The following DGKB variants were observed in gnomAD, a reference collection of about 807,000 sequenced individuals.
DGKB encodes the protein diacylglycerol kinase beta.
DGKB carries 67 observed loss-of-function variants against 114.3 expected under a neutral mutation model. The observed-to-expected ratio is 0.59, with a 90% CI of 0.48 to 0.72. DGKB has a LOEUF of 0.72. DGKB is among the 30% of genes least tolerant of loss of function. DGKB has a pLI of 0.00. For synonymous variants in DGKB, 398 were observed against 323.1 expected (o/e 1.23, Z -2.49); for missense variants, 907 against 975.2 (o/e 0.93, Z 0.93).
chr7:14,969,548 C>T (rs1787341952), intron 1 of DGKB, among the ~76,000 whole-genome samples: 1 of 152,094 alleles, frequency 6.6e-6, no homozygotes. Flanking sequence ...TGCCTGAGTT[C>T]CACCTTCTGT....
At chr7:14,394,155 A>G (rs1290521804) in intron 21 of DGKB, among the ~76,000 whole-genome samples, 1 of 152,148 alleles carries the variant, frequency 6.6e-6, no homozygotes, top group African/African-American at 2.4e-5. Context: ...TCAGCATATT[A>G]ACTTTTGCCT....
chr7:14,478,045 C>CAT (rs397806961), intron 21 of DGKB, 116 bp downstream of exon 21: 14 of 582,032 alleles, frequency 2.4e-5, no homozygotes, highest in Admixed American at 1.2e-4. Context: ...CACACACACA[C>CAT]GCACACAAAG....
At chr7:14,359,155 A>T (rs1042795247) in intron 21 of DGKB, among the ~76,000 whole-genome samples, 2 of 152,200 alleles carry the variant, frequency 1.3e-5, no homozygotes, top group Non-Finnish European at 2.9e-5. Context: ...GGCCTGAGAA[A>T]TAATGCCACA....
At chr7:14,283,011 A>C (rs1330097007) in intron 23 of DGKB, among the ~76,000 whole-genome samples, 3 of 151,902 alleles carry the variant, frequency 2.0e-5, no homozygotes, top group East Asian at 3.9e-4. Flanking sequence ...AGTTCTGGCC[A>C]GGGCAATTAG....
intron 1 of DGKB, among the ~76,000 whole-genome samples, chr7:14,926,314 C>G (rs1230997425): frequency 6.6e-6 from 1 of 151,836 alleles, no homozygotes; most frequent in Non-Finnish European, 1.5e-5. Context: ...CATCTGTTGA[C>G]TTTCTTTTCT....
chr7:14,788,326 A>C (rs1840184601), intron 2 of DGKB, among the ~76,000 whole-genome samples: 1 of 152,096 alleles, frequency 6.6e-6, no homozygotes, highest in South Asian at 2.1e-4. Context: ...ACCACCTCAA[A>C]ATCCACCAAA....
chr7:14,696,038 T>C (rs1488898459), intron 8 of DGKB, among the ~76,000 whole-genome samples: 1 of 152,170 alleles, frequency 6.6e-6, no homozygotes, highest in Non-Finnish European at 1.5e-5. Flanking sequence ...TTCAATAATC[T>C]GACAAATACA....
At chr7:14,209,160 A>G (rs1760109177) in intron 23 of DGKB, 1 of 276,614 alleles carries the variant, frequency 3.6e-6, no homozygotes, top group Non-Finnish European at 6.7e-6. Context: ...CTGAGTAACT[A>G]TTACTACTGA....
intron 17 of DGKB, among the ~76,000 whole-genome samples, chr7:14,598,919 A>G (rs896450238): frequency 6.6e-6 from 1 of 152,170 alleles, no homozygotes; most frequent in African/African-American, 2.4e-5. Context: ...GACCCTTTGC[A>G]ACTCTCAGGG....
intron 21 of DGKB, among the ~76,000 whole-genome samples, chr7:14,473,660 A>T (rs1781749002): frequency 6.6e-6 from 1 of 152,180 alleles, no homozygotes; most frequent in South Asian, 2.1e-4. Flanking sequence ...CCGTGAAAGC[A>T]GCCAGGATGG....
At chr7:14,924,618 G>T (rs1784665739) in intron 1 of DGKB, among the ~76,000 whole-genome samples, 1 of 151,892 alleles carries the variant, frequency 6.6e-6, no homozygotes, top group South Asian at 2.1e-4. Context: ...TCTTCAGATA[G>T]GTTTAATCTA....
chr7:14,925,508 ATTATG>A (rs1386168583), intron 1 of DGKB, among the ~76,000 whole-genome samples: 12 of 152,256 alleles, frequency 7.9e-5, no homozygotes, highest in African/African-American at 2.6e-4. Flanking sequence ...GATAGATTTT[ATTATG>A]TTGAGTTGTC....
chr7:14,521,266 C>T (rs1327230930), intron 20 of DGKB, among the ~76,000 whole-genome samples: 2 of 152,130 alleles, frequency 1.3e-5, no homozygotes, highest in African/African-American at 4.8e-5. Flanking sequence ...ACACCTACAA[C>T]CATTTGACCT....
intron 2 of DGKB, among the ~76,000 whole-genome samples, chr7:14,813,544 C>T (rs951351463): frequency 6.6e-6 from 1 of 152,100 alleles, no homozygotes; most frequent in Non-Finnish European, 1.5e-5. Context: ...CTTATCTAAC[C>T]TTTTTGCTTC....
At chr7:14,246,504 C>T (rs532384497) in intron 23 of DGKB, among the ~76,000 whole-genome samples, 23 of 152,188 alleles carry the variant, frequency 1.5e-4, no homozygotes, top group South Asian at 8.3e-4. Flanking sequence ...ATCCATCTTC[C>T]GTGCTGAGAA....
chr7:14,315,811 C>T (rs1311764250), intron 23 of DGKB, among the ~76,000 whole-genome samples: 3 of 151,450 alleles, frequency 2.0e-5, no homozygotes, highest in African/African-American at 7.3e-5. Flanking sequence ...AGTCTCCACC[C>T]CAAATCAACA....
At chr7:14,967,143 G>C (rs1473774843) in intron 1 of DGKB, among the ~76,000 whole-genome samples, 1 of 152,010 alleles carries the variant, frequency 6.6e-6, no homozygotes, top group East Asian at 1.9e-4. Flanking sequence ...ACTTTAGCTG[G>C]TTAGCTGCAG....
At chr7:14,745,329 C>G (rs1833119311) in intron 4 of DGKB, among the ~76,000 whole-genome samples, 1 of 152,148 alleles carries the variant, frequency 6.6e-6, no homozygotes, top group South Asian at 2.1e-4. Context: ...GCCATATTTC[C>G]AAAACAGTGC....
At chr7:14,292,466 A>T (rs1411678082) in intron 23 of DGKB, among the ~76,000 whole-genome samples, 4 of 152,186 alleles carry the variant, frequency 2.6e-5, no homozygotes, top group African/African-American at 9.6e-5. Context: ...ATTGACTACA[A>T]TTCAAACCTG....
Sources: gnomAD v4.1 joint callset for allele counts (sites outside exome capture counted in the v4.1 genomes callset) on GRCh38, gnomAD v4.1.1 for gene constraint, MANE v1.5 for transcripts, NCBI Gene and HGNC (gene_info 2026-07-23, HGNC 2026-07-21) for gene names.